ALDH1A2: variants seen among roughly 807,000 people sequenced by gnomAD.
ALDH1A2 encodes the protein aldehyde dehydrogenase 1 family member A2.
In ALDH1A2, 27 loss-of-function variants were observed where a neutral mutation model predicts 60.3. The observed-to-expected ratio is 0.45, with a 90% CI of 0.33 to 0.62. ALDH1A2 has a LOEUF of 0.62. ALDH1A2 is among the 20% of genes least tolerant of loss of function. ALDH1A2 has a pLI of 0.02. For missense variants in ALDH1A2, 581 were observed against 643.8 expected (o/e 0.90, Z 1.06); for synonymous variants, 289 against 232.4 (o/e 1.24, Z -2.21).
chr15:57,991,219 GT>G (rs1217087211), intron 7 of ALDH1A2, among the ~76,000 whole-genome samples: 1 of 152,040 alleles, frequency 6.6e-6, no homozygotes. Context: ...TGCATCTTTA[GT>G]TTTTCTTAGC....
chr15:58,034,660 T>G (rs1054622185), intron 1 of ALDH1A2, among the ~76,000 whole-genome samples: 1 of 151,524 alleles, frequency 6.6e-6, no homozygotes, highest in Non-Finnish European at 1.5e-5. Context: ...TTTGAGAGTC[T>G]TCCTTCTTTA....
rs74017089 is a variant in ALDH1A2 at position 57,974,894 on chromosome 15, G to A, written c.799-9067C>T. 2.5e-3 allele frequency among the ~76,000 whole-genome samples: 386 copies of A among 152,254 alleles called. 1 individual carries two copies. Among genetic ancestry groups the A allele is most frequent in the African/African-American group, 8.6e-3 (358 of 41,552 alleles). On this transcript the variant is annotated intron_variant, in intron 7 of 12. Coordinates refer to ENST00000249750, the MANE Select transcript of ALDH1A2 (RefSeq NM_003888.4). ...TTCAACAATGAGGAAAACAAACAACGCTTGTCTCCAAAGTGTGCAAAGATT... is the reference window on the plus strand; with the variant it reads ...TTCAACAATGAGGAAAACAAACAACACTTGTCTCCAAAGTGTGCAAAGATT...
intron 1 of ALDH1A2, among the ~76,000 whole-genome samples, chr15:58,043,501 G>C (rs564245093): frequency 6.6e-6 from 1 of 151,932 alleles, no homozygotes; most frequent in Non-Finnish European, 1.5e-5. Flanking sequence ...ACATTTCATA[G>C]CCATTTGAAT....
intron 5 of ALDH1A2, among the ~76,000 whole-genome samples, chr15:57,994,082 G>A (rs1169894900): frequency 6.6e-6 from 1 of 152,186 alleles, no homozygotes; most frequent in African/African-American, 2.4e-5. Context: ...CTCTTGTCCT[G>A]TCAGTGAAGC....
chr15:58,060,463 CTTTTTTT>C (rs35187901), intron 1 of ALDH1A2, among the ~76,000 whole-genome samples: 48 of 87,512 alleles, frequency 5.5e-4, no homozygotes, highest in African/African-American at 2.0e-3. Flanking sequence ...CCACACATAT[CTTTTTTT>C]TTTTTTTTTT....
At chr15:58,020,554 C>G (rs1895898077) in intron 1 of ALDH1A2, among the ~76,000 whole-genome samples, 1 of 151,992 alleles carries the variant, frequency 6.6e-6, no homozygotes, top group African/African-American at 2.4e-5. Context: ...TAAAATATAC[C>G]ATGAACACAT....
chr15:58,019,394 T>C (rs1895865037), intron 1 of ALDH1A2, among the ~76,000 whole-genome samples: 1 of 152,166 alleles, frequency 6.6e-6, no homozygotes, highest in Non-Finnish European at 1.5e-5. Flanking sequence ...AACCAGAATA[T>C]TTTGCTTTGT....
intron 1 of ALDH1A2, among the ~76,000 whole-genome samples, chr15:58,062,808 T>A (rs1253632518): frequency 6.6e-6 from 1 of 152,222 alleles, no homozygotes; most frequent in African/African-American, 2.4e-5. Flanking sequence ...CATTGATCAT[T>A]GGTATAATAT....
rs550559048 is a variant in ALDH1A2 at position 58,017,096 on chromosome 15, A to C, written c.118-2815T>G. 5.1e-4 allele frequency among the ~76,000 whole-genome samples: 78 copies of C among 152,212 alleles called. 1 individual carries two copies. The highest frequency in any genetic ancestry group is 1.9e-4 in the Non-Finnish European group (13 of 68,022). ...CAAAATCTTGGGCTATGAGTCCTTC[A>C]GATAAATTCTGTCAGACTTGAGAAT... On this transcript the variant is annotated intron_variant, in intron 1 of 12. Coordinates refer to ENST00000249750, the MANE Select transcript of ALDH1A2 (RefSeq NM_003888.4).
chr15:58,009,374 GAGA>G (rs1389963007), intron 4 of ALDH1A2, among the ~76,000 whole-genome samples: 1 of 151,904 alleles, frequency 6.6e-6, no homozygotes, highest in African/African-American at 2.4e-5. Context: ...CATTAAATTG[GAGA>G]AGAACTATTC....
Position 57,961,283 on chromosome 15 carries a change from A to G in ALDH1A2, c.1263T>C (p.Pro421=). The change falls in exon 11 of 13, where the codon CCT becomes CCC. Residue 421 remains proline, a synonymous_variant. Coordinates refer to ENST00000249750, the MANE Select transcript of ALDH1A2 (RefSeq NM_003888.4). ...MRIAKEEIFG[P]VQEILRFKTM... ...TCTTAAATCTCAAAATTTCCTGAAC[A>G]GGGCCAAAGATCTGCAAAAAGATAA... The G allele has an allele frequency of 3.1e-6, 5 of 1,614,000 alleles. No individual in the cohort carries two copies. The highest frequency in any genetic ancestry group is 4.2e-6 in the Non-Finnish European group (5 of 1,179,998).
intron 4 of ALDH1A2, among the ~76,000 whole-genome samples, chr15:57,996,672 T>C (rs1046768668): frequency 6.6e-6 from 1 of 151,988 alleles, no homozygotes; most frequent in East Asian, 1.9e-4. Context: ...ATTACAAACA[T>C]ATCTTTTCAT....
At chr15:58,047,264 A>G (rs1896660977) in intron 1 of ALDH1A2, among the ~76,000 whole-genome samples, 1 of 151,990 alleles carries the variant, frequency 6.6e-6, no homozygotes, top group South Asian at 2.1e-4. Flanking sequence ...AAATGCTTCA[A>G]ATGATTTGTA....
intron 9 of ALDH1A2, among the ~76,000 whole-genome samples, chr15:57,963,015 C>A (rs1313602340): frequency 2.0e-5 from 3 of 152,192 alleles, no homozygotes; most frequent in Non-Finnish European, 4.4e-5. Context: ...CCCCACCCCA[C>A]TAAAGTACAC....
At chr15:58,003,409 A>G (rs1895341504) in intron 4 of ALDH1A2, among the ~76,000 whole-genome samples, 1 of 151,924 alleles carries the variant, frequency 6.6e-6, no homozygotes, top group Non-Finnish European at 1.5e-5. Flanking sequence ...TAGGATCTGA[A>G]TCACTATCTT....
intron 5 of ALDH1A2, among the ~76,000 whole-genome samples, chr15:57,994,792 G>A (rs987659308): frequency 1.4e-4 from 21 of 152,038 alleles, no homozygotes; most frequent in African/African-American, 4.8e-4. Flanking sequence ...TAAGCAGAAT[G>A]GACATAATAA....
chr15:58,055,004 C>A lies in ALDH1A2; in HGVS notation c.117+10530G>T, dbSNP rs193016257. Among the ~76,000 whole-genome samples, 257 of 152,106 alleles carry A rather than the reference C, an allele frequency of 1.7e-3. 2 individuals are homozygous for A. Among genetic ancestry groups the A allele is most frequent in the South Asian group, 0.011 (52 of 4,822 alleles). On this transcript the variant is annotated intron_variant, in intron 1 of 12. Transcript: ENST00000249750. ...TACTGAGTGGAATTAGACTTAGGAT[C>A]TGAATGAAATATGGGATTTGTAGTT... is the stretch of plus-strand genomic sequence containing the variant.
chr15:58,052,213 CTG>C (rs1391219904), intron 1 of ALDH1A2, among the ~76,000 whole-genome samples: 1 of 152,058 alleles, frequency 6.6e-6, no homozygotes, highest in African/African-American at 2.4e-5. Context: ...TTCAACAAAA[CTG>C]TTTGAGTGCA....
intron 7 of ALDH1A2, chr15:57,979,862 A>G (rs1894423714): frequency 6.3e-6 from 2 of 316,056 alleles, no homozygotes; most frequent in South Asian, 7.2e-5. Flanking sequence ...CCCAGGCCAA[A>G]GACCTGGCTA....
Sources: allele counts gnomAD v4.1 joint callset (sites outside exome capture counted in the v4.1 genomes callset), GRCh38; gene constraint gnomAD v4.1.1; transcripts MANE v1.5; gene names NCBI Gene and HGNC (gene_info 2026-07-23, HGNC 2026-07-21).